Variants in PCDHGA2 observed in about 807,000 individuals in gnomAD.
The protein encoded by PCDHGA2 is protocadherin gamma-A2.
PCDHGA2 carries 40 observed loss-of-function variants against 59.2 expected under a neutral mutation model. That is an observed-to-expected ratio of 0.68 (90% CI 0.52 to 0.88). PCDHGA2 has a LOEUF of 0.88. Among genes scored for constraint, PCDHGA2 ranks in the 40% least tolerant of loss-of-function variants. The probability of loss-of-function intolerance (pLI) is 0.00; values close to 1 mark genes in which losing one functional copy is unlikely to be tolerated. For synonymous variants in PCDHGA2, 560 were observed against 526.0 expected (o/e 1.06, Z -0.89); for missense variants, 1,226 against 1,204.0 (o/e 1.02, Z -0.27).
Position 141,370,495 on chromosome 5 carries a change from G to A in PCDHGA2, c.2424+29100G>A, listed in dbSNP as rs1766967329. The stretch of plus-strand genomic sequence containing the variant: ...GACCAGGCTCTCTCCGAACCGATCC[G>A]CTACGCTATTCCCGAGGAGCTGGAC... On this transcript the variant is annotated intron_variant, in intron 1 of 3. Transcript: ENST00000394576. The A allele has an allele frequency of 3.1e-6, 5 of 1,613,782 alleles. No individual in the cohort carries two copies. Among genetic ancestry groups the A allele is most frequent in the African/African-American group, 1.3e-5 (1 of 74,914 alleles).
At chr5:141,411,562 C>A (rs569842846) in intron 1 of PCDHGA2, 1 of 152,054 alleles carries the variant, frequency 6.6e-6, no homozygotes, top group Non-Finnish European at 1.5e-5. Context: ...CCAGCCTGGG[C>A]GACAGAGTGC....
In PCDHGA2 at chr5:141,341,312, A is replaced by G. The variant is rs763005033; in HGVS notation, c.2341A>G (p.Ser781Gly). 2 of 1,614,258 alleles carry G rather than the reference A, an allele frequency of 1.2e-6. No individual in the cohort carries two copies. The highest frequency in any genetic ancestry group is 3.3e-5 in the Admixed American group (2 of 60,034). ...PQPNYADTLI[S>G]QESCEKKDFL... ...GCCCAACTATGCGGACACGCTCATC[A>G]GCCAGGAGAGCTGTGAGAAAAAGGA... Residue 781 changes from serine (S) to glycine (G), a missense_variant, in exon 1 of 4, where the codon AGC becomes GGC. Coordinates refer to ENST00000394576, the MANE Select transcript of PCDHGA2 (RefSeq NM_018915.4).
chr5:141,399,627 CG>C (rs2093851448), intron 1 of PCDHGA2: 1 of 1,613,906 alleles, frequency 6.2e-7, no homozygotes, highest in Non-Finnish European at 8.5e-7. Context: ...TGGCCTCTTA[CG>C]TGTCCATGAG....
chr5:141,372,536 C>T, intron 1 of PCDHGA2: 1 of 1,614,034 alleles, frequency 6.2e-7, no homozygotes, highest in East Asian at 2.2e-5. Flanking sequence ...TCTCCCTGCG[C>T]CTGCGATGCT....
chr5:141,488,158 G>A (rs534297140), intron 1 of PCDHGA2, among the ~76,000 whole-genome samples: 4 of 152,328 alleles, frequency 2.6e-5, no homozygotes, highest in South Asian at 2.1e-4. Context: ...AGAGAGGCAC[G>A]CATCAGAGTG....
At chr5:141,357,235 A>C in intron 1 of PCDHGA2, 1 of 1,613,530 alleles carries the variant, frequency 6.2e-7, no homozygotes, top group Non-Finnish European at 8.5e-7. Context: ...GGGCAGCCTC[A>C]AGCCTTCAGC....
chr5:141,490,808 A>C lies in PCDHGA2; in HGVS notation c.2425-3999A>C. On this transcript the variant is annotated intron_variant, in intron 1 of 3. Coordinates refer to ENST00000394576, the MANE Select transcript of PCDHGA2 (RefSeq NM_018915.4). The surrounding 1 kb of genome is among the most constrained non-coding windows in gnomAD (Gnocchi z 5.4). The stretch of plus-strand genomic sequence containing the variant: ...CGGATCTTTGCCCAGCGTACCTTTG[A>C]CTATGAATTGCTGCAGATGCTGCAG... 1 of 1,613,884 alleles carries C rather than the reference A, an allele frequency of 6.2e-7. No homozygotes were observed. The highest frequency in any genetic ancestry group is 8.5e-7 in the Non-Finnish European group (1 of 1,179,874).
At chr5:141,374,363 G>T (rs1770422956) in intron 1 of PCDHGA2, 2 of 1,613,916 alleles carry the variant, frequency 1.2e-6, no homozygotes, top group African/African-American at 2.7e-5. Flanking sequence ...AGACCGCGAG[G>T]AGCTCTGTGC....
Position 141,486,859 on chromosome 5 carries a change from T to C in PCDHGA2, c.2425-7948T>C, listed in dbSNP as rs1231188225. ...TTGTGCTGGACCTCAATGACAATGC[T>C]CCAGCTGTGCTCCGTCCTCGGGCCC... On this transcript the variant is annotated intron_variant, in intron 1 of 3. Transcript: ENST00000394576. The surrounding 1 kb of genome is among the most constrained non-coding windows in gnomAD (Gnocchi z 5.0). The C allele has an allele frequency of 1.9e-6, 3 of 1,614,242 alleles. No individual in the cohort carries two copies. The highest frequency in any genetic ancestry group is 2.7e-5 in the African/African-American group (2 of 75,072).
chr5:141,477,002 G>A lies in PCDHGA2; in HGVS notation c.2425-17805G>A, dbSNP rs770390597. On this transcript the variant is annotated intron_variant, in intron 1 of 3. Coordinates refer to ENST00000394576, the MANE Select transcript of PCDHGA2 (RefSeq NM_018915.4). The surrounding 1 kb of genome is among the most constrained non-coding windows in gnomAD (Gnocchi z 4.9). ...CCGCGCCGGCGTGCGGCAACTATTC[G>A]CCTTAGACCTTGTAACCGGGATGCT... 6.2e-7 allele frequency: 1 copy of A among 1,614,102 alleles called. No homozygotes were observed. The highest frequency in any genetic ancestry group is 1.3e-5 in the African/African-American group (1 of 74,952).
At chr5:141,498,318 G>T (rs927950671) in intron 2 of PCDHGA2, among the ~76,000 whole-genome samples, 2 of 151,792 alleles carry the variant, frequency 1.3e-5, no homozygotes, top group African/African-American at 4.8e-5. Flanking sequence ...TGCCTACACA[G>T]AAGGAAGAGC....
rs1430797606 is a variant in PCDHGA2 at position 141,370,494 on chromosome 5, C to T, written c.2424+29099C>T. On this transcript the variant is annotated intron_variant, in intron 1 of 3. Coordinates refer to ENST00000394576, the MANE Select transcript of PCDHGA2 (RefSeq NM_018915.4). ...AGACCAGGCTCTCTCCGAACCGATC[C>T]GCTACGCTATTCCCGAGGAGCTGGA... 3.1e-6 allele frequency: 5 copies of T among 1,613,784 alleles called. No homozygotes were observed. The African/African-American group carries it at 5.3e-5, about 17-fold the overall frequency.
chr5:141,387,777 C>G, intron 1 of PCDHGA2: 1 of 1,453,750 alleles, frequency 6.9e-7, no homozygotes, highest in Non-Finnish European at 9.2e-7. Context: ...TTTTCTTGAA[C>G]TGGAACTGCA....
At chr5:141,373,897 C>G (rs1379272131) in intron 1 of PCDHGA2, 1 of 536,936 alleles carries the variant, frequency 1.9e-6, no homozygotes, top group Non-Finnish European at 3.1e-6. Context: ...ACTCAAGTTA[C>G]ATCCTCCAAC....
At chr5:141,357,577 A>T (rs1202708968) in intron 1 of PCDHGA2, 1 of 1,614,198 alleles carries the variant, frequency 6.2e-7, no homozygotes, top group East Asian at 2.2e-5. Flanking sequence ...GCCTCTTCTG[A>T]TAACTCAGGA....
intron 1 of PCDHGA2, among the ~76,000 whole-genome samples, chr5:141,442,633 C>A (rs1210890820): frequency 6.6e-6 from 1 of 152,158 alleles, no homozygotes; most frequent in Admixed American, 6.5e-5. Flanking sequence ...AGCAGCAAGA[C>A]CAAAGGCCTA....
chr5:141,499,599 C>G (rs2099792919), intron 2 of PCDHGA2, among the ~76,000 whole-genome samples: 2 of 152,102 alleles, frequency 1.3e-5, no homozygotes, highest in South Asian at 4.1e-4. Context: ...TCACCTATAT[C>G]CCTACCCTTA....
intron 1 of PCDHGA2, among the ~76,000 whole-genome samples, chr5:141,473,907 C>T (rs552055360): frequency 2.0e-4 from 30 of 152,220 alleles, no homozygotes; most frequent in African/African-American, 7.2e-4. Context: ...ATGAAGAGGT[C>T]TTAAGAAAAC....
At chr5:141,366,085 C>A (rs938214198) in intron 1 of PCDHGA2, 6 of 1,614,150 alleles carry the variant, frequency 3.7e-6, no homozygotes, top group Non-Finnish European at 5.1e-6. Context: ...CAGAACCTGG[C>A]TACCTGGTGA....
Sources: allele counts gnomAD v4.1 joint callset (sites outside exome capture counted in the v4.1 genomes callset), GRCh38; gene constraint gnomAD v4.1.1; non-coding constraint Gnocchi (gnomAD v3.1); transcripts MANE v1.5; gene names NCBI Gene and HGNC (gene_info 2026-07-23, HGNC 2026-07-21).